The following SOX5 variants were observed in gnomAD, a reference collection of about 807,000 sequenced individuals.
SOX5 encodes SRY-box transcription factor 5.
A neutral mutation model predicts 92.0 loss-of-function variants in SOX5; 9 were observed. That is an observed-to-expected ratio of 0.10 (90% confidence interval 0.06 to 0.17). SOX5 has a LOEUF of 0.17. Ranked by LOEUF, SOX5 falls within the 10% of genes least tolerant of loss-of-function variation. The pLI is 1.00. For synonymous variants in SOX5, 344 were observed against 336.3 expected (o/e 1.02, Z -0.25); for missense variants, 642 against 944.5 (o/e 0.68, Z 4.20).
chr12:23,964,312 T>G (rs1947297930), intron 4 of SOX5, among the ~76,000 whole-genome samples: 1 of 152,210 alleles, frequency 6.6e-6, no homozygotes, highest in Non-Finnish European at 1.5e-5. Flanking sequence ...CCCTATATAC[T>G]ATATTACTGT....
At chr12:23,929,794 C>T (rs555235619) in intron 1 of SOX5, among the ~76,000 whole-genome samples, 1 of 151,930 alleles carries the variant, frequency 6.6e-6, no homozygotes, top group South Asian at 2.1e-4. Flanking sequence ...AACACGACAG[C>T]TTATATTGAA....
chr12:23,921,352 G>A (rs1442776036), intron 1 of SOX5, among the ~76,000 whole-genome samples: 1 of 151,196 alleles, frequency 6.6e-6, no homozygotes, highest in Non-Finnish European at 1.5e-5. Context: ...TGAAACTATT[G>A]CTCTAAGACC....
chr12:23,771,692 C>T (rs1213929609), intron 3 of SOX5, among the ~76,000 whole-genome samples: 1 of 152,158 alleles, frequency 6.6e-6, no homozygotes, highest in East Asian at 1.9e-4. Context: ...GTGTCACACT[C>T]AATGCCTAAA....
chr12:23,625,641 G>A (rs1243295503), intron 8 of SOX5, among the ~76,000 whole-genome samples: 4 of 152,084 alleles, frequency 2.6e-5, no homozygotes, highest in Non-Finnish European at 4.4e-5. Context: ...ACTAAGTCTC[G>A]CTCCGTTGCC....
intron 1 of SOX5, 53 bp downstream of exon 1, chr12:23,949,511 G>GT (rs1231686377): frequency 1.7e-5 from 28 of 1,606,534 alleles, no homozygotes; most frequent in Non-Finnish European, 2.1e-5. Flanking sequence ...AGAGACTACT[G>GT]TAAAATGGGA....
intron 1 of SOX5, among the ~76,000 whole-genome samples, chr12:24,476,403 T>C (rs1336659032): frequency 1.3e-5 from 2 of 152,208 alleles, no homozygotes; most frequent in Non-Finnish European, 2.9e-5. Context: ...TGTAGAGTAC[T>C]GCTGCTCCAG....
chr12:23,831,151 A>T (rs1399690039), intron 3 of SOX5, among the ~76,000 whole-genome samples: 2 of 152,172 alleles, frequency 1.3e-5, no homozygotes, highest in Non-Finnish European at 1.5e-5. Flanking sequence ...AAAAATTAAA[A>T]AGACATTAAC....
intron 2 of SOX5, among the ~76,000 whole-genome samples, chr12:24,314,983 T>C (rs1281160202): frequency 1.3e-5 from 2 of 152,240 alleles, no homozygotes; most frequent in East Asian, 1.9e-4. Flanking sequence ...GTTCCAGCTA[T>C]ATAATAAATA....
At chr12:24,214,630 T>C (rs1162653368) in intron 3 of SOX5, among the ~76,000 whole-genome samples, 5 of 152,066 alleles carry the variant, frequency 3.3e-5, no homozygotes, top group African/African-American at 4.8e-5. Flanking sequence ...AAAAAGCTTA[T>C]CAATTTTTTG....
chr12:24,295,317 C>T (rs1565848433), intron 2 of SOX5, among the ~76,000 whole-genome samples: 1 of 152,124 alleles, frequency 6.6e-6, no homozygotes, highest in African/African-American at 2.4e-5. Flanking sequence ...CTTCAATACC[C>T]TCTTGTTTAA....
intron 3 of SOX5, among the ~76,000 whole-genome samples, chr12:23,801,515 C>T (rs1238097679): frequency 6.6e-6 from 1 of 152,056 alleles, no homozygotes; most frequent in Non-Finnish European, 1.5e-5. Flanking sequence ...AAATGATTTC[C>T]TTTCCTTTTA....
At chr12:24,286,269 T>G (rs779812271) in intron 2 of SOX5, among the ~76,000 whole-genome samples, 84 of 152,158 alleles carry the variant, frequency 5.5e-4, no homozygotes, top group Non-Finnish European at 1.0e-3. Context: ...AAGACAATAT[T>G]TCAAACACGA....
intron 1 of SOX5, among the ~76,000 whole-genome samples, chr12:23,928,861 A>T (rs988714729): frequency 6.6e-6 from 1 of 151,864 alleles, no homozygotes; most frequent in African/African-American, 2.4e-5. Context: ...CCTAAAAGAA[A>T]ATTGCTTATT....
intron 2 of SOX5, among the ~76,000 whole-genome samples, chr12:24,299,498 C>CT (rs1204500304): frequency 6.6e-6 from 1 of 152,038 alleles, no homozygotes; most frequent in Non-Finnish European, 1.5e-5. Flanking sequence ...AGATTATAAC[C>CT]TATCCAGGCA....
chr12:23,917,081 A>T (rs1441017417), intron 1 of SOX5, among the ~76,000 whole-genome samples: 2 of 152,214 alleles, frequency 1.3e-5, no homozygotes, highest in African/African-American at 2.4e-5. Context: ...TTTAATATTT[A>T]TTGAAGGTCT....
intron 2 of SOX5, among the ~76,000 whole-genome samples, chr12:24,277,939 A>T (rs1006717086): frequency 3.9e-5 from 6 of 152,204 alleles, no homozygotes; most frequent in Non-Finnish European, 8.8e-5. Context: ...TCAACTTCAG[A>T]AAGTGCTCTT....
intron 4 of SOX5, among the ~76,000 whole-genome samples, chr12:24,202,482 T>C (rs35543818): frequency 0.032 from 4,861 of 152,280 alleles, 90 homozygotes; most frequent in South Asian, 0.062. Context: ...AAGATTAACA[T>C]TGATACATTC....
chr12:23,703,513 G>C (rs1284678652), intron 6 of SOX5, among the ~76,000 whole-genome samples: 1 of 151,760 alleles, frequency 6.6e-6, no homozygotes, highest in Non-Finnish European at 1.5e-5. Context: ...AAAAATCAGC[G>C]AGTGAAAAAG....
At position 24,506,784 on chromosome 12, in the gene SOX5, C is replaced by CTTTTTTTTTTTTTTTTTTT. The variant is rs386375924; in HGVS notation, c.-251+55526_-251+55544dup. Among the ~76,000 whole-genome samples, 81 of 81,762 alleles carry CTTTTTTTTTTTTTTTTTTT rather than the reference C, an allele frequency of 9.9e-4. 4 individuals carry two copies. The highest frequency in any genetic ancestry group is 1.2e-3 in the Non-Finnish European group (54 of 45,152). 53.6% of individuals were successfully genotyped at this position (81,762 alleles called of 152,430 possible). ...CTGTATTTCATGGTATCCAAATGGT[C>CTTTTTTTTTTTTTTTTTTT]TTTTTTTTTTTTTTTTTTTTTTGGA... On this transcript the variant is annotated intron_variant, in intron 1 of 4. Transcript: ENST00000446891.
Sources: gnomAD v4.1 joint callset for allele counts (sites outside exome capture counted in the v4.1 genomes callset) on GRCh38, gnomAD v4.1.1 for gene constraint, MANE v1.5 for transcripts, NCBI Gene and HGNC (gene_info 2026-07-23, HGNC 2026-07-21) for gene names.